Variants in PAM observed in about 807,000 individuals in gnomAD.
PAM encodes the protein peptidylglycine alpha-amidating monooxygenase.
PAM carries 72 observed loss-of-function variants against 122.1 expected under a neutral mutation model. The ratio of observed to expected loss-of-function variants is 0.59; its 90% CI spans 0.49 to 0.72. PAM has a LOEUF of 0.72. PAM is among the 30% of genes least tolerant of loss of function. The pLI is 0.00. For missense variants in PAM, 1,106 were observed against 1,183.7 expected, an observed-to-expected ratio of 0.93 and a Z score of 0.96; for synonymous variants, 389 against 404.4, an observed-to-expected ratio of 0.96 and a Z score of 0.46.
intron 15 of PAM, among the ~76,000 whole-genome samples, chr5:102,982,801 A>T (rs1770362776): frequency 6.6e-6 from 1 of 152,196 alleles, no homozygotes; most frequent in Non-Finnish European, 1.5e-5. Flanking sequence ...CAATGTAAGG[A>T]CACAAGAAAC....
At chr5:102,972,792 GT>G (rs1429254666) in intron 14 of PAM, among the ~76,000 whole-genome samples, 1 of 152,146 alleles carries the variant, frequency 6.6e-6, no homozygotes, top group Non-Finnish European at 1.5e-5. Context: ...AATTTGCTTT[GT>G]TTATTTTACT....
intron 4 of PAM, among the ~76,000 whole-genome samples, chr5:102,906,863 G>A (rs1262670345): frequency 1.3e-5 from 2 of 151,716 alleles, no homozygotes; most frequent in Non-Finnish European, 2.9e-5. Flanking sequence ...GATTCTGTAG[G>A]AAATTAATAG....
intron 15 of PAM, among the ~76,000 whole-genome samples, chr5:102,981,276 A>G (rs921578216): frequency 2.0e-5 from 3 of 152,210 alleles, no homozygotes; most frequent in African/African-American, 7.2e-5. Flanking sequence ...GACGTTGCAT[A>G]TTTTCTGTAA....
chr5:102,925,263 T>C (rs1473148578), intron 6 of PAM, among the ~76,000 whole-genome samples: 1 of 152,210 alleles, frequency 6.6e-6, no homozygotes, highest in Non-Finnish European at 1.5e-5. Flanking sequence ...CACAACAGTT[T>C]AGATAAAATT....
chr5:102,845,063 G>A (rs35173598), intron 1 of PAM, among the ~76,000 whole-genome samples: 16,855 of 152,228 alleles, frequency 0.11, 2,177 homozygotes, highest in African/African-American at 0.31. Context: ...ACAGTTCCTC[G>A]TTCAGTCTTG....
At chr5:103,015,032 C>T (rs1401403238) in intron 21 of PAM, among the ~76,000 whole-genome samples, 1 of 152,164 alleles carries the variant, frequency 6.6e-6, no homozygotes, top group Non-Finnish European at 1.5e-5. Flanking sequence ...ATTTTTCCAA[C>T]CTTCACAGTG....
At chr5:103,023,246 T>C (rs1202727865) in intron 23 of PAM, among the ~76,000 whole-genome samples, 2 of 152,044 alleles carry the variant, frequency 1.3e-5, no homozygotes, top group East Asian at 3.9e-4. Context: ...GCCTTATCCA[T>C]GAAACTAGAT....
intron 1 of PAM, among the ~76,000 whole-genome samples, chr5:102,762,188 C>G (rs1479579562): frequency 6.6e-6 from 1 of 152,230 alleles, no homozygotes; most frequent in Admixed American, 6.5e-5. Context: ...GTCACTTGTT[C>G]AGTGTGCTTT....
chr5:102,822,270 CTATT>C (rs1772223797), intron 1 of PAM, among the ~76,000 whole-genome samples: 1 of 152,168 alleles, frequency 6.6e-6, no homozygotes, highest in Non-Finnish European at 1.5e-5. Flanking sequence ...GCTCATTCAT[CTATT>C]TATTTTCCAA....
chr5:102,757,330 A>C (rs74316259), intron 1 of PAM, among the ~76,000 whole-genome samples: 5 of 151,860 alleles, frequency 3.3e-5, no homozygotes, highest in Non-Finnish European at 5.9e-5. Flanking sequence ...TCTCAAAAAA[A>C]GATAAAACTA....
chr5:102,908,764 GAA>G (rs1016593287), intron 4 of PAM, among the ~76,000 whole-genome samples: 6 of 148,294 alleles, frequency 4.0e-5, no homozygotes, highest in African/African-American at 1.2e-4. Context: ...CTTTGCCCTG[GAA>G]AAAAAAAATG....
intron 3 of PAM, among the ~76,000 whole-genome samples, chr5:102,877,792 C>T (rs1049114351): frequency 2.0e-5 from 3 of 152,056 alleles, no homozygotes; most frequent in African/African-American, 7.2e-5. Context: ...CTTTGGGAGA[C>T]TGAGGCAGGA....
intron 15 of PAM, among the ~76,000 whole-genome samples, chr5:102,985,212 G>A: frequency 6.6e-6 from 1 of 151,186 alleles, no homozygotes; most frequent in East Asian, 1.9e-4. Flanking sequence ...TTAGTAATAG[G>A]AAAGAAAAAG....
chr5:103,006,702 C>G, intron 18 of PAM, 99 bp from the exon 19 acceptor site: 1 of 754,470 alleles, frequency 1.3e-6, no homozygotes, highest in Admixed American at 2.3e-5. Context: ...TCTCTGGGAG[C>G]TTCTACTCCA....
intron 1 of PAM, among the ~76,000 whole-genome samples, chr5:102,803,194 G>GGAA (rs1363679822): frequency 5.8e-5 from 7 of 120,058 alleles, no homozygotes; most frequent in Admixed American, 1.6e-4. Context: ...AGGAAGGAAG[G>GGAA]AAGGAAGGAA....
intron 1 of PAM, among the ~76,000 whole-genome samples, chr5:102,799,242 G>A (rs937400704): frequency 6.6e-6 from 1 of 152,164 alleles, no homozygotes; most frequent in Non-Finnish European, 1.5e-5. Context: ...ATCATCAAAA[G>A]AATAGTGCCT....
intron 3 of PAM, among the ~76,000 whole-genome samples, chr5:102,889,166 C>G (rs1408999709): frequency 6.6e-6 from 1 of 151,936 alleles, no homozygotes; most frequent in Admixed American, 6.6e-5. Context: ...CTGCTCCACG[C>G]TCCAGGAGGC....
intron 1 of PAM, among the ~76,000 whole-genome samples, chr5:102,775,001 G>A (rs1292973069): frequency 6.6e-6 from 1 of 151,644 alleles, no homozygotes; most frequent in Admixed American, 6.6e-5. Flanking sequence ...TATTCTAGTT[G>A]TATTGTAATT....
intron 18 of PAM, 90 bp from the exon 19 acceptor site, chr5:103,006,711 C>G: frequency 2.5e-6 from 2 of 808,604 alleles, no homozygotes; most frequent in South Asian, 3.3e-5. Flanking sequence ...GCTTCTACTC[C>G]AATTGCTTGT....
Sources: allele counts gnomAD v4.1 joint callset (sites outside exome capture counted in the v4.1 genomes callset), GRCh38; gene constraint gnomAD v4.1.1; transcripts MANE v1.5; gene names NCBI Gene and HGNC (gene_info 2026-07-23, HGNC 2026-07-21).